BNC2: variants seen among roughly 807,000 people sequenced by gnomAD.
BNC2 encodes basonuclin zinc finger protein 2.
BNC2 carries 20 observed loss-of-function variants against 76.3 expected under a neutral mutation model. The observed-to-expected ratio is 0.26, with a 90% CI of 0.18 to 0.38. The LOEUF (loss-of-function observed/expected upper bound fraction) is 0.38, where lower values mean the gene tolerates loss of function less well. BNC2 is among the 10% of genes least tolerant of loss of function. The pLI is 1.00. For missense variants in BNC2, 1,382 were observed against 1,399.8 expected (o/e 0.99, Z 0.20); for synonymous variants, 582 against 514.8 (o/e 1.13, Z -1.77).
intron 3 of BNC2, among the ~76,000 whole-genome samples, chr9:16,622,503 C>T (rs1357255762): frequency 1.3e-5 from 2 of 152,152 alleles, no homozygotes; most frequent in Non-Finnish European, 2.9e-5. Flanking sequence ...CTCACTATCA[C>T]AGGTACACTT....
At chr9:16,501,324 TATCTC>T (rs1242177883) in intron 5 of BNC2, among the ~76,000 whole-genome samples, 1 of 152,182 alleles carries the variant, frequency 6.6e-6, no homozygotes, top group Non-Finnish European at 1.5e-5. Context: ...GGAAGTAACT[TATCTC>T]ATGAGTCAGC....
rs151284181 is a variant in BNC2, at chr9:16,778,950, T to G, written c.4-40465A>C. ...TATTTTTAGAAATGCTCCTTTTGCC[T>G]TCTTTTGGGGATGGCAGTGGTAATG... is the stretch of plus-strand genomic sequence containing the variant. On this transcript the variant is annotated intron_variant, in intron 1 of 6. Transcript: ENST00000380672. Among the ~76,000 whole-genome samples the G allele has an allele frequency of 6.6e-3, 998 of 152,064 alleles. 8 individuals carry two copies. The highest frequency in any genetic ancestry group is 0.01 in the Admixed American group (154 of 15,282).
At chr9:16,820,677 G>C (rs958427057) in intron 1 of BNC2, among the ~76,000 whole-genome samples, 1 of 152,064 alleles carries the variant, frequency 6.6e-6, no homozygotes, top group African/African-American at 2.4e-5. Flanking sequence ...GACTCAGTAA[G>C]GTTACTACGG....
intron 3 of BNC2, among the ~76,000 whole-genome samples, chr9:16,603,275 A>G (rs1820292840): frequency 6.6e-6 from 1 of 152,244 alleles, no homozygotes; most frequent in South Asian, 2.1e-4. Flanking sequence ...TTACAGAGCT[A>G]AAATCAAAAT....
At chr9:16,552,436 G>C (rs967913001) in intron 5 of BNC2, 94 bp downstream of exon 5, 6 of 1,014,356 alleles carry the variant, frequency 5.9e-6, no homozygotes, top group Non-Finnish European at 9.1e-6. Flanking sequence ...AGAGGAGGGT[G>C]TGCAGCCCTT....
At chr9:16,647,241 C>T (rs1005943219) in intron 3 of BNC2, among the ~76,000 whole-genome samples, 2 of 152,132 alleles carry the variant, frequency 1.3e-5, no homozygotes, top group South Asian at 2.1e-4. Context: ...CTTGCTGACT[C>T]GGGTGTCCCT....
intron 3 of BNC2, among the ~76,000 whole-genome samples, chr9:16,661,415 T>C (rs1458472111): frequency 6.6e-6 from 1 of 152,168 alleles, no homozygotes; most frequent in Non-Finnish European, 1.5e-5. Context: ...TTCAATAGTA[T>C]ATGGGGAAGT....
Position 16,727,935 on chromosome 9 carries a change from C to A in BNC2, c.192G>T (p.Arg64Ser). 6.2e-7 allele frequency: 1 copy of A among 1,614,006 alleles called. No individual in the cohort carries two copies. Among genetic ancestry groups the A allele is most frequent in the Non-Finnish European group, 8.5e-7 (1 of 1,180,008 alleles). Residue 64 changes from arginine (R) to serine (S), a missense_variant, in exon 3 of 7, where the codon AGG becomes AGT. Physicochemically the swap from Arg to Ser is moderately radical, Grantham distance 110. Around this residue, in one of 3 missense-constraint regions of BNC2, gnomAD observed 557 missense variants for 540.9 expected, o/e 1.03. Coordinates refer to ENST00000380672, the MANE Select transcript of BNC2 (RefSeq NM_017637.6). ...RETQRDREPK[R>S]ARDLTLRDSC... Reference sequence around the variant, plus strand: ...AGTCTCTTAAAGTCAAGTCTCTTGCCCTCTTTGGCTCTCTGTCTCTCTGTG... The same window carrying A: ...AGTCTCTTAAAGTCAAGTCTCTTGCACTCTTTGGCTCTCTGTCTCTCTGTG...
chr9:16,541,100 G>A (rs867871096), intron 5 of BNC2, among the ~76,000 whole-genome samples: 1 of 152,202 alleles, frequency 6.6e-6, no homozygotes, highest in African/African-American at 2.4e-5. Context: ...AGGTCTGGCA[G>A]GATCCAAATG....
chr9:16,542,908 G>A (rs905440065), intron 5 of BNC2, among the ~76,000 whole-genome samples: 22 of 152,088 alleles, frequency 1.4e-4, no homozygotes, highest in Admixed American at 4.6e-4. Flanking sequence ...ACCAGCACTT[G>A]AAGTAAGTCA....
At chr9:16,834,561 A>G (rs998461734) in intron 1 of BNC2, among the ~76,000 whole-genome samples, 8 of 152,172 alleles carry the variant, frequency 5.3e-5, no homozygotes, top group African/African-American at 1.9e-4. Flanking sequence ...AAAGAAGAAA[A>G]CAATGCTACT....
chr9:16,564,151 G>T (rs1181498171), intron 4 of BNC2, among the ~76,000 whole-genome samples: 1 of 152,154 alleles, frequency 6.6e-6, no homozygotes, highest in African/African-American at 2.4e-5. Context: ...GATGCTCGTT[G>T]TCTTCCAGAT....
At chr9:16,637,398 T>C (rs1467690500) in intron 3 of BNC2, among the ~76,000 whole-genome samples, 2 of 152,192 alleles carry the variant, frequency 1.3e-5, no homozygotes, top group Non-Finnish European at 2.9e-5. Context: ...GTTCAAGTTG[T>C]GATGTTCACC....
chr9:16,666,777 C>T (rs1472068469), intron 3 of BNC2, among the ~76,000 whole-genome samples: 1 of 152,210 alleles, frequency 6.6e-6, no homozygotes, highest in Admixed American at 6.5e-5. Flanking sequence ...GCCAGATGCA[C>T]ACACGTTTTG....
intron 5 of BNC2, among the ~76,000 whole-genome samples, chr9:16,454,993 A>T (rs1019275877): frequency 2.0e-5 from 3 of 152,202 alleles, no homozygotes; most frequent in Non-Finnish European, 4.4e-5. Context: ...AGAGAGAAAA[A>T]GAGTGGCTAT....
At chr9:16,840,467 G>C (rs1223894010) in intron 1 of BNC2, among the ~76,000 whole-genome samples, 1 of 152,162 alleles carries the variant, frequency 6.6e-6, no homozygotes, top group Non-Finnish European at 1.5e-5. Context: ...TCTAAAGCTT[G>C]ACCTTTGCTT....
At chr9:16,499,321 G>C (rs1822468020) in intron 5 of BNC2, among the ~76,000 whole-genome samples, 1 of 152,060 alleles carries the variant, frequency 6.6e-6, no homozygotes. Flanking sequence ...TAGGCAGTCT[G>C]ATTCCAGAGC....
intron 1 of BNC2, among the ~76,000 whole-genome samples, chr9:16,865,035 GAA>G (rs5896712): frequency 0.013 from 1,706 of 131,000 alleles, 20 homozygotes; most frequent in African/African-American, 0.026. Context: ...GCTTTGGACT[GAA>G]AAAAAAAAAA....
At chr9:16,832,296 G>C in intron 1 of BNC2, 2 of 1,280,152 alleles carry the variant, frequency 1.6e-6, no homozygotes, top group Non-Finnish European at 2.0e-6. Context: ...CATGTGTCAT[G>C]TTATCAAGGG....
Sources: allele counts gnomAD v4.1 joint callset (sites outside exome capture counted in the v4.1 genomes callset), GRCh38; gene constraint gnomAD v4.1.1; regional missense constraint gnomAD v4.1.1; transcripts MANE v1.5; gene names NCBI Gene and HGNC (gene_info 2026-07-23, HGNC 2026-07-21).